The following BABAM2 variants were observed in gnomAD, a reference collection of about 807,000 sequenced individuals.
The protein encoded by BABAM2 is BRISC and BRCA1-A complex member 2.
A neutral mutation model predicts 54.7 loss-of-function variants in BABAM2; 31 were observed. That is an observed-to-expected ratio of 0.57 (90% confidence interval 0.43 to 0.77). The LOEUF (loss-of-function observed/expected upper bound fraction) is 0.77. Among genes scored for constraint, BABAM2 ranks in the 30% least tolerant of loss-of-function variants. BABAM2 has a pLI of 0.00. For synonymous variants in BABAM2, 167 were observed against 162.9 expected (o/e 1.03, Z -0.19); for missense variants, 364 against 455.8 (o/e 0.80, Z 1.83).
At chr2:27,937,034 T>C (rs1668537609) in intron 3 of BABAM2, among the ~76,000 whole-genome samples, 1 of 152,190 alleles carries the variant, frequency 6.6e-6, no homozygotes, top group Admixed American at 6.5e-5. Context: ...TAATAGACTA[T>C]AGTATAGTAA....
At chr2:28,129,914 G>T (rs1478727934) in intron 7 of BABAM2, among the ~76,000 whole-genome samples, 1 of 152,234 alleles carries the variant, frequency 6.6e-6, no homozygotes, top group Non-Finnish European at 1.5e-5. Context: ...AGGCTACATG[G>T]CAGAAGTAGT....
intron 3 of BABAM2, among the ~76,000 whole-genome samples, chr2:27,933,764 G>GTTTTTTTTTTTT (rs59022185): frequency 9.0e-6 from 1 of 110,886 alleles, no homozygotes; most frequent in African/African-American, 3.7e-5. Flanking sequence ...TGCCTGGCTT[G>GTTTTTTTTTTTT]TTTTTTTTTT....
chr2:28,309,172 T>G (rs1485631315), intron 11 of BABAM2: 2 of 152,264 alleles, frequency 1.3e-5, no homozygotes, highest in African/African-American at 4.8e-5. Context: ...TCCTTGTGGT[T>G]GTAGGACTGA....
chr2:28,075,512 CA>C (rs1664570898), intron 6 of BABAM2, among the ~76,000 whole-genome samples: 1 of 151,790 alleles, frequency 6.6e-6, no homozygotes, highest in African/African-American at 2.4e-5. Flanking sequence ...TCTATAAAAA[CA>C]AAAACATCAC....
At position 28,023,121 on chromosome 2, in the gene BABAM2, G is replaced by A. The variant is rs574101778; in HGVS notation, c.301-2105G>A. On this transcript the variant is annotated intron_variant, in intron 4 of 11. Transcript: ENST00000379624. The stretch of plus-strand genomic sequence containing the variant: ...ATTATATTTTAATGGAAGGAGACTG[G>A]TTGGTATGTCTTTAACCATTTGTTT... Among the ~76,000 whole-genome samples, 4 of 152,292 alleles carry A rather than the reference G, an allele frequency of 2.6e-5. No homozygotes were observed. The East Asian group carries it at 7.7e-4, about 29-fold the overall frequency.
intron 4 of BABAM2, among the ~76,000 whole-genome samples, chr2:28,005,187 C>T (rs1223630015): frequency 2.6e-5 from 4 of 151,992 alleles, no homozygotes; most frequent in Non-Finnish European, 5.9e-5. Context: ...TTGGAATGAG[C>T]TATAGATTTA....
chr2:27,953,020 TTCTC>T (rs555553730), intron 3 of BABAM2, among the ~76,000 whole-genome samples: 1 of 151,902 alleles, frequency 6.6e-6, no homozygotes, highest in Non-Finnish European at 1.5e-5. Context: ...CCCTTCACAC[TTCTC>T]TCTCTCTCTT....
chr2:28,092,751 TCTCTCTCTCTCTCTCTCTCTCACG>T, intron 6 of BABAM2, among the ~76,000 whole-genome samples: 1 of 149,496 alleles, frequency 6.7e-6, no homozygotes, highest in Non-Finnish European at 1.5e-5. Flanking sequence ...CGTCTCTGCC[TCTCTCTCTCTCTCTCTCTCTCACG>T]CTCTCTCTCT....
intron 4 of BABAM2, among the ~76,000 whole-genome samples, chr2:28,020,271 T>G (rs1329466604): frequency 1.3e-5 from 2 of 152,162 alleles, no homozygotes; most frequent in African/African-American, 2.4e-5. Flanking sequence ...AACTTTGAGA[T>G]TGAAAAACAG....
chr2:28,161,629 T>C (rs1673104288), intron 7 of BABAM2, among the ~76,000 whole-genome samples: 1 of 152,132 alleles, frequency 6.6e-6, no homozygotes, highest in Non-Finnish European at 1.5e-5. Context: ...TCCAGCATCT[T>C]ACCCTGAAAC....
At chr2:28,025,053 C>T (rs1311000212) in intron 4 of BABAM2, among the ~76,000 whole-genome samples, 173 bp from the exon 5 acceptor site, 1 of 152,122 alleles carries the variant, frequency 6.6e-6, no homozygotes, top group Non-Finnish European at 1.5e-5. Context: ...GGAGAAATTG[C>T]CAATATCAAA....
At chr2:28,327,822 G>C (rs1023126380) in intron 11 of BABAM2, among the ~76,000 whole-genome samples, 1 of 152,170 alleles carries the variant, frequency 6.6e-6, no homozygotes, top group Non-Finnish European at 1.5e-5. Context: ...TGCATCTCAA[G>C]TTTGTTAATT....
At chr2:27,898,752 CAG>C (rs1665538823) in intron 2 of BABAM2, among the ~76,000 whole-genome samples, 1 of 151,980 alleles carries the variant, frequency 6.6e-6, no homozygotes, top group African/African-American at 2.4e-5. Context: ...TCCATAGAGA[CAG>C]AAAGTAAATT....
At chr2:27,965,833 T>C (rs1037689901) in intron 3 of BABAM2, among the ~76,000 whole-genome samples, 1 of 152,198 alleles carries the variant, frequency 6.6e-6, no homozygotes, top group Non-Finnish European at 1.5e-5. Flanking sequence ...TCTTTGTCTT[T>C]TTCTCCTTTT....
rs529076024 is a variant in BABAM2 at position 28,191,549 on chromosome 2, C to T, written c.681-45653C>T. ...GTGGGATATCCATTACAATGGAATA[C>T]GCCTCAGCAATAAAAATGAGTATAC... On this transcript the variant is annotated intron_variant, in intron 7 of 11. Transcript: ENST00000379624. 4.6e-5 allele frequency among the ~76,000 whole-genome samples: 7 copies of T among 152,204 alleles called. No homozygotes were observed. In the South Asian group the frequency reaches 8.3e-4, roughly 18 times the overall value.
intron 4 of BABAM2, among the ~76,000 whole-genome samples, chr2:28,008,191 T>C (rs1251163684): frequency 6.6e-6 from 1 of 152,160 alleles, no homozygotes; most frequent in Non-Finnish European, 1.5e-5. Context: ...CATTAGTGGG[T>C]GCAATAAATA....
intron 3 of BABAM2, among the ~76,000 whole-genome samples, chr2:27,954,900 G>T (rs1159230681): frequency 6.6e-6 from 1 of 152,086 alleles, no homozygotes; most frequent in Non-Finnish European, 1.5e-5. Flanking sequence ...ATGGCATTCA[G>T]TGGGCTCGTG....
At chr2:28,154,350 CT>C (rs1638380289) in intron 7 of BABAM2, among the ~76,000 whole-genome samples, 1 of 152,144 alleles carries the variant, frequency 6.6e-6, no homozygotes, top group African/African-American at 2.4e-5. Flanking sequence ...TTAGAGACTT[CT>C]TTTGGATAAT....
chr2:28,249,755 C>T (rs1683269397), intron 10 of BABAM2, among the ~76,000 whole-genome samples: 1 of 152,072 alleles, frequency 6.6e-6, no homozygotes, highest in African/African-American at 2.4e-5. Flanking sequence ...ATCCTCCCAC[C>T]TTAGCCTCCC....
Sources: allele counts gnomAD v4.1 joint callset (sites outside exome capture counted in the v4.1 genomes callset), GRCh38; gene constraint gnomAD v4.1.1; transcripts MANE v1.5; gene names NCBI Gene and HGNC (gene_info 2026-07-23, HGNC 2026-07-21).